The following PCDHA4 variants were observed in gnomAD, a reference collection of about 807,000 sequenced individuals.
PCDHA4 encodes the protein protocadherin alpha 4.
PCDHA4 carries 49 observed loss-of-function variants against 61.4 expected under a neutral mutation model. That is an observed-to-expected ratio of 0.80 (90% CI 0.63 to 1.01). The LOEUF (loss-of-function observed/expected upper bound fraction) is 1.01, where lower values mean the gene tolerates loss of function less well. Ranked by LOEUF, PCDHA4 falls within the 50% of genes least tolerant of loss-of-function variation. The pLI, the probability that PCDHA4 is intolerant of heterozygous loss-of-function variation, is 0.00. For missense variants in PCDHA4, 1,254 were observed against 1,235.8 expected (o/e 1.01, Z -0.22); for synonymous variants, 590 against 550.3 (o/e 1.07, Z -1.01).
At chr5:140,822,046 C>G in intron 1 of PCDHA4, 1 of 1,614,162 alleles carries the variant, frequency 6.2e-7, no homozygotes, top group Non-Finnish European at 8.5e-7. Flanking sequence ...TCGGATCGAC[C>G]GGGAGGAGCT....
intron 1 of PCDHA4, chr5:140,851,534 A>G: frequency 1.1e-6 from 1 of 902,820 alleles, no homozygotes; most frequent in Non-Finnish European, 1.4e-6. Flanking sequence ...CTGACAATGT[A>G]GATAATTCAA....
At chr5:140,821,966 G>A (rs1280808656) in intron 1 of PCDHA4, 5 of 1,614,052 alleles carry the variant, frequency 3.1e-6, no homozygotes, top group Non-Finnish European at 4.2e-6. Context: ...CGCCTGTTCC[G>A]GGTGGCGTCC....
intron 1 of PCDHA4, chr5:140,865,380 G>C (rs1429077853): frequency 6.6e-6 from 1 of 152,142 alleles, no homozygotes; most frequent in Non-Finnish European, 1.5e-5. Context: ...TTATAGGTAG[G>C]GTAAAGTTAA....
chr5:140,847,349 A>T (rs1213665115), intron 1 of PCDHA4: 5 of 149,876 alleles, frequency 3.3e-5, no homozygotes, highest in Admixed American at 6.7e-5. Flanking sequence ...TTAGGCTGTT[A>T]TCAGTAGAAA....
intron 1 of PCDHA4, chr5:140,861,768 T>TATCA (rs1554155221): frequency 1.3e-5 from 2 of 158,832 alleles, no homozygotes; most frequent in African/African-American, 4.8e-5. Context: ...TCCCTGGAAA[T>TATCA]ACCAAGAGCA....
chr5:140,986,345 C>T (rs1442253492), intron 3 of PCDHA4, among the ~76,000 whole-genome samples: 2 of 152,172 alleles, frequency 1.3e-5, no homozygotes, highest in African/African-American at 4.8e-5. Flanking sequence ...GTTGCAGCCT[C>T]TTCTTCAGAT....
At chr5:140,919,593 T>C (rs541275874) in intron 1 of PCDHA4, among the ~76,000 whole-genome samples, 1 of 152,214 alleles carries the variant, frequency 6.6e-6, no homozygotes, top group Non-Finnish European at 1.5e-5. Context: ...TGGTAATTTT[T>C]AAAATAAATT....
In PCDHA4 at chr5:140,809,005, G is replaced by A; in HGVS notation, c.1818G>A (p.Trp606Ter). Residue 606 changes from tryptophan (W) to a stop codon, truncating the protein, a stop_gained, in exon 1 of 4, where the codon TGG becomes TGA. Coordinates refer to ENST00000530339, the MANE Select transcript of PCDHA4 (RefSeq NM_018907.4). LOFTEE classifies it high-confidence loss of function. Reference sequence around the variant, plus strand: ...ATGCTGACTCGGGCTACAACGCGTGGCTTTCGTACGAGCTGCAGCCGGGGA... The same window carrying A: ...ATGCTGACTCGGGCTACAACGCGTGACTTTCGTACGAGCTGCAGCCGGGGA... ...AVDADSGYNA[W>*]LSYELQPGTG... 6.2e-7 allele frequency: 1 copy of A among 1,613,694 alleles called. No homozygotes were observed. The highest frequency in any genetic ancestry group is 8.5e-7 in the Non-Finnish European group (1 of 1,179,758).
chr5:140,883,887 C>G (rs782749190), intron 1 of PCDHA4: 1 of 1,613,348 alleles, frequency 6.2e-7, no homozygotes, highest in South Asian at 1.1e-5. Flanking sequence ...GCGCGCGACT[C>G]TGGCGTGCCG....
chr5:140,847,411 A>G (rs1333406263), intron 1 of PCDHA4: 4 of 149,582 alleles, frequency 2.7e-5, no homozygotes, highest in African/African-American at 9.8e-5. Context: ...ATAAACACTC[A>G]CGGTTTTGCC....
chr5:140,972,660 A>AT (rs11350929), intron 1 of PCDHA4, among the ~76,000 whole-genome samples: 2,691 of 117,234 alleles, frequency 0.023, 50 homozygotes, highest in South Asian at 0.067. Context: ...AAGAAACCAA[A>AT]TTTTTTTTTT....
intron 1 of PCDHA4, chr5:140,884,436 G>A (rs782218831): frequency 6.2e-7 from 1 of 1,613,888 alleles, no homozygotes; most frequent in East Asian, 2.2e-5. Flanking sequence ...GCGCTGCGGT[G>A]CTCGGCACCG....
At chr5:140,822,940 ATGCCCCACGTTCCCTTCAAGCTGG>A (rs1767480245) in intron 1 of PCDHA4, 1 of 1,614,204 alleles carries the variant, frequency 6.2e-7, no homozygotes, top group Admixed American at 1.7e-5. Flanking sequence ...CTGCTCCCTA[ATGCCCCACGTTCCCTTCAAGCTGG>A]TGTCCACCTT....
intron 1 of PCDHA4, chr5:140,811,621 G>A (rs1226393558): frequency 6.6e-6 from 1 of 152,228 alleles, no homozygotes; most frequent in East Asian, 1.9e-4. Context: ...CACCAACGGT[G>A]TAAAAGCGTT....
In PCDHA4 at chr5:140,967,305, A is replaced by G. The variant is rs782005994; in HGVS notation, c.2386-11644A>G. On this transcript the variant is annotated intron_variant, in intron 1 of 3. Transcript: ENST00000530339. ...GCGCAGGACCCCGACGTGGGCGCCA[A>G]CTCAGTACAGACCTACGAGCTCAGC... The G allele has an allele frequency of 5.7e-5, 92 of 1,612,346 alleles. 1 individual carries two copies. The South Asian group carries it at 9.7e-4, about 17-fold the overall frequency.
chr5:140,882,888 A>G, intron 1 of PCDHA4: 1 of 1,614,190 alleles, frequency 6.2e-7, no homozygotes. Context: ...GAAATTCAGG[A>G]ACATAGTTTA....
intron 1 of PCDHA4, among the ~76,000 whole-genome samples, chr5:140,976,116 A>G (rs781948908): frequency 1.2e-4 from 18 of 152,224 alleles, no homozygotes; most frequent in Non-Finnish European, 2.6e-4. Flanking sequence ...AATTTTTCCA[A>G]GTTTAATCAA....
chr5:140,836,283 A>C, intron 1 of PCDHA4: 1 of 1,613,716 alleles, frequency 6.2e-7, no homozygotes, highest in Non-Finnish European at 8.5e-7. Context: ...GATCAGCACG[A>C]CACGAGCCCT....
chr5:140,879,027 G>C (rs2057822967), intron 1 of PCDHA4, among the ~76,000 whole-genome samples: 1 of 152,184 alleles, frequency 6.6e-6, no homozygotes, highest in African/African-American at 2.4e-5. Context: ...TTTTATTGAA[G>C]AGTGTCTTGA....
Sources: allele counts gnomAD v4.1 joint callset (sites outside exome capture counted in the v4.1 genomes callset), GRCh38; gene constraint gnomAD v4.1.1; transcripts MANE v1.5; gene names NCBI Gene and HGNC (gene_info 2026-07-23, HGNC 2026-07-21).